FCRL6: variants seen among roughly 807,000 people sequenced by gnomAD.
FCRL6 encodes the protein Fc receptor like 6.
FCRL6 carries 50 observed loss-of-function variants against 49.1 expected under a neutral mutation model. The observed-to-expected ratio is 1.02, with a 90% CI of 0.81 to 1.29. The LOEUF is 1.29. FCRL6 is among the 50% of genes most tolerant of loss of function. FCRL6 has a pLI of 0.00. For missense variants in FCRL6, 571 were observed against 518.5 expected (o/e 1.10, Z -0.98); for synonymous variants, 213 against 199.6 (o/e 1.07, Z -0.57).
upstream of FCRL6, among the ~76,000 whole-genome samples, chr1:159,800,850 A>G (rs1662285526): frequency 2.0e-5 from 3 of 152,196 alleles, no homozygotes. Context: ...AAAGATTTCC[A>G]GGAAGAACTT....
At chr1:159,806,126 G>C (rs73030812) in intron 1 of FCRL6, among the ~76,000 whole-genome samples, 6,727 of 152,316 alleles carry the variant, frequency 0.044, 488 homozygotes, top group African/African-American at 0.15. Context: ...GCCAGAGAGA[G>C]AGGTGATAAC....
rs758474971 is a variant in FCRL6 at position 159,815,425 on chromosome 1, C to T, written c.1148-3C>T. 2.5e-6 allele frequency: 4 copies of T among 1,613,710 alleles called. No homozygotes were observed. The South Asian group carries it at 3.3e-5, about 13-fold the overall frequency. ...CTGACCTGAGCTCATTCTTTCCCCA[C>T]AGCCAGGTCTGCTGAGTTCACCGTG... On this transcript the variant is annotated splice_region_variant and splice_polypyrimidine_tract_variant and intron_variant, in intron 8 of 9. Coordinates refer to ENST00000368106, the MANE Select transcript of FCRL6 (RefSeq NM_001004310.3).
chr1:159,802,846 G>A (rs1662427070), intron 1 of FCRL6, among the ~76,000 whole-genome samples: 1 of 152,176 alleles, frequency 6.6e-6, no homozygotes, highest in Admixed American at 6.5e-5. Flanking sequence ...GGGGCAACAG[G>A]GAAGGAGTCA....
At chr1:159,802,173 A>T, upstream of FCRL6, 1 of 441,632 alleles carries the variant, frequency 2.3e-6, no homozygotes, top group Non-Finnish European at 4.2e-6. Flanking sequence ...GGGATTTATT[A>T]GTGATTTACC....
chr1:159,802,196 C>T (rs967899373), upstream of FCRL6: 19 of 510,902 alleles, frequency 3.7e-5, no homozygotes, highest in African/African-American at 2.9e-4. Flanking sequence ...CTCCTTCATA[C>T]TTAGTGTTCA....
At position 159,814,297 on chromosome 1, in the gene FCRL6, G is replaced by C; in HGVS notation, c.1147+5G>C. ...GAACCTCAAAGAGGAGTGAAGGTGAGTGATCTCAGGCCAAACTTGGTACCT... is the reference window on the plus strand; with the variant it reads ...GAACCTCAAAGAGGAGTGAAGGTGACTGATCTCAGGCCAAACTTGGTACCT... On this transcript the variant is annotated splice_donor_5th_base_variant and intron_variant, in intron 8 of 9. Transcript: ENST00000368106. The C allele has an allele frequency of 6.2e-7, 1 of 1,613,536 alleles. No individual in the cohort carries two copies. Among genetic ancestry groups the C allele is most frequent in the Non-Finnish European group, 8.5e-7 (1 of 1,179,424 alleles).
rs148877470 is a variant in FCRL6 at position 159,812,613 on chromosome 1, G to A, written c.1010-876G>A. ...TTCATTGAATGGAGACTTAGAAACT[G>A]AGGCTCATTTCTCAGCCCTGACGAA... On this transcript the variant is annotated intron_variant, in intron 6 of 9. Transcript: ENST00000368106. 7.7e-4 allele frequency among the ~76,000 whole-genome samples: 117 copies of A among 152,294 alleles called. No individual in the cohort carries two copies. In the Middle Eastern group the frequency reaches 0.017, roughly 22 times the overall value.
At chr1:159,806,311 C>T (rs112034008) in intron 1 of FCRL6, among the ~76,000 whole-genome samples, 12 of 152,288 alleles carry the variant, frequency 7.9e-5, no homozygotes, top group African/African-American at 2.4e-4. Context: ...CTAGGGAGTA[C>T]GTCCAGCACA....
At position 159,815,548 on chromosome 1, in the gene FCRL6, A is replaced by G; in HGVS notation, c.1192A>G (p.Ile398Val). ...AACTCTTCCACAGGACAGTTCTATC[A>G]TCTGTGCGGAGGTGAGATGCCTGCA... Reference protein sequence around the residue: ...FTVGRKDSSIICAEVRCLQPS... With the variant: ...FTVGRKDSSIVCAEVRCLQPS... The change falls in exon 10 of 10, where the codon ATC becomes GTC. Residue 398 changes from isoleucine (I) to valine (V), a missense_variant. By Grantham distance (29) the Ile-to-Val change is conservative. Transcript: ENST00000368106. 6.2e-7 allele frequency: 1 copy of G among 1,614,212 alleles called. No individual in the cohort carries two copies. Among genetic ancestry groups the G allele is most frequent in the Non-Finnish European group, 8.5e-7 (1 of 1,180,024 alleles).
At chr1:159,800,688 C>A, upstream of FCRL6, 1 of 1,326,278 alleles carries the variant, frequency 7.5e-7, no homozygotes, top group Non-Finnish European at 1.1e-6. Flanking sequence ...ACTGAGTCAC[C>A]GAAAAAAATG....
chr1:159,810,070 C>A, intron 5 of FCRL6, 24 bp from the exon 6 acceptor site: 1 of 1,604,520 alleles, frequency 6.2e-7, no homozygotes. Context: ...GTGCTCATGG[C>A]CACCTTCTTC....
chr1:159,809,371 G>A (rs1662937260), intron 4 of FCRL6, 31 bp from the exon 5 acceptor site: 1 of 1,560,594 alleles, frequency 6.4e-7, no homozygotes, highest in African/African-American at 1.4e-5. Flanking sequence ...TGGGTGGTCA[G>A]GCTGAGCCTC....
At chr1:159,805,457 G>A (rs1457790048) in intron 1 of FCRL6, among the ~76,000 whole-genome samples, 1 of 152,124 alleles carries the variant, frequency 6.6e-6, no homozygotes, top group Non-Finnish European at 1.5e-5. Context: ...ACTGCACTCA[G>A]CCCTACATTC....
intron 1 of FCRL6, among the ~76,000 whole-genome samples, chr1:159,803,206 C>A (rs373157082): frequency 6.6e-6 from 1 of 152,176 alleles, no homozygotes; most frequent in South Asian, 2.1e-4. Flanking sequence ...GAGGATTGCA[C>A]GCAGAGGGTC....
intron 7 of FCRL6, among the ~76,000 whole-genome samples, chr1:159,813,794 G>C (rs1663225952): frequency 6.6e-6 from 1 of 152,202 alleles, no homozygotes; most frequent in South Asian, 2.1e-4. Context: ...TTGGACCAAG[G>C]GTTGGCAAAC....
chr1:159,810,310 T>C (rs1663018880), intron 6 of FCRL6, 94 bp downstream of exon 6: 5 of 1,455,158 alleles, frequency 3.4e-6, no homozygotes, highest in South Asian at 1.4e-5. Context: ...GACCAGCCAC[T>C]CTCTTCTCCT....
chr1:159,804,812 A>G (rs1015408476), intron 1 of FCRL6, among the ~76,000 whole-genome samples: 1 of 152,156 alleles, frequency 6.6e-6, no homozygotes, highest in Admixed American at 6.5e-5. Context: ...TAGCTGCACA[A>G]TTGTTTTCCA....
rs548751002 is a variant in FCRL6 at position 159,806,929 on chromosome 1, A to G, written c.52+313A>G. ...TGGTTCTGGAGCTCTTATATTCTCAACTCAACAAGACTGGGACTCCCTTCC... is the reference window on the plus strand; with the variant it reads ...TGGTTCTGGAGCTCTTATATTCTCAGCTCAACAAGACTGGGACTCCCTTCC... On this transcript the variant is annotated intron_variant, in intron 2 of 9. Transcript: ENST00000368106. Among the ~76,000 whole-genome samples, 8 of 152,140 alleles carry G rather than the reference A, an allele frequency of 5.3e-5. No homozygotes were observed. In the South Asian group the frequency reaches 1.5e-3, roughly 28 times the overall value.
chr1:159,805,299 T>A (rs6666281), intron 1 of FCRL6, among the ~76,000 whole-genome samples: 2 of 152,272 alleles, frequency 1.3e-5, no homozygotes, highest in East Asian at 3.9e-4. Context: ...GATGATACCA[T>A]GTGACAGAGC....
Sources: allele counts gnomAD v4.1 joint callset (sites outside exome capture counted in the v4.1 genomes callset), GRCh38; gene constraint gnomAD v4.1.1; transcripts MANE v1.5; gene names NCBI Gene and HGNC (gene_info 2026-07-23, HGNC 2026-07-21).